Variants in THRAP3 observed in about 807,000 individuals in gnomAD.
The protein encoded by THRAP3 is thyroid hormone receptor-associated protein 3.
In THRAP3, 16 loss-of-function variants were observed where a neutral mutation model predicts 101.0. The ratio of observed to expected loss-of-function variants is 0.16; its 90% confidence interval spans 0.11 to 0.24. THRAP3 has a LOEUF of 0.24. Among genes scored for constraint, THRAP3 ranks in the 10% least tolerant of loss-of-function variants. The pLI is 1.00. For synonymous variants in THRAP3, 407 were observed against 422.6 expected (o/e 0.96, Z 0.45); for missense variants, 989 against 1,202.7 (o/e 0.82, Z 2.63).
chr1:36,288,848 A>C, intron 4 of THRAP3: 1 of 985,370 alleles, frequency 1.0e-6, no homozygotes, highest in Non-Finnish European at 1.2e-6. Context: ...CATGGATCAT[A>C]TATTTTTCTC....
chr1:36,215,851 G>C, the THRAP3 span, among the ~76,000 whole-genome samples: 1 of 151,818 alleles, frequency 6.6e-6, no homozygotes, highest in Non-Finnish European at 1.5e-5. Flanking sequence ...CCGGGTTCAA[G>C]TGATTCTCCT....
upstream of THRAP3, among the ~76,000 whole-genome samples, chr1:36,223,570 T>C (rs1354999696): frequency 6.6e-6 from 1 of 152,196 alleles, no homozygotes. Flanking sequence ...TCAGAGACAC[T>C]AGAGCAGAAA....
upstream of THRAP3, among the ~76,000 whole-genome samples, chr1:36,221,488 C>T (rs1467627743): frequency 6.6e-6 from 1 of 152,076 alleles, no homozygotes; most frequent in Non-Finnish European, 1.5e-5. Flanking sequence ...CCACATCCAC[C>T]CCAACCTTCA....
In THRAP3 at chr1:36,230,279, C is replaced by T. The variant is rs573699227; in HGVS notation, c.-135+5774C>T. Reference sequence around the variant, plus strand: ...GGTTACAGGCATGGGCCACCATGCCCGGCTAATTTTGTATTTTTAGTAGAG... The same window carrying T: ...GGTTACAGGCATGGGCCACCATGCCTGGCTAATTTTGTATTTTTAGTAGAG... On this transcript the variant is annotated intron_variant, in intron 1 of 11. Transcript: ENST00000354618. Among the ~76,000 whole-genome samples, 90 of 151,974 alleles carry T rather than the reference C, an allele frequency of 5.9e-4. No homozygotes were observed. In the Middle Eastern group the frequency reaches 0.014, roughly 23 times the overall value.
At chr1:36,290,695 A>G (rs1481120766) in intron 5 of THRAP3, among the ~76,000 whole-genome samples, 1 of 150,340 alleles carries the variant, frequency 6.7e-6, no homozygotes, top group East Asian at 2.0e-4. Flanking sequence ...TGAACCCCTG[A>G]CTTCAGGTGA....
At chr1:36,256,187 G>GGAT (rs1463441972) in intron 1 of THRAP3, among the ~76,000 whole-genome samples, 25 of 65,248 alleles carry the variant, frequency 3.8e-4, no homozygotes, top group East Asian at 3.5e-3. Flanking sequence ...TGGCCTGCCT[G>GGAT]GATTATTATT....
chr1:36,247,903 C>T (rs1645250748), intron 1 of THRAP3, among the ~76,000 whole-genome samples: 1 of 128,638 alleles, frequency 7.8e-6, no homozygotes, highest in African/African-American at 3.0e-5. Context: ...GAGATGGAGT[C>T]TTGCTCTGTC....
At chr1:36,259,811 G>A (rs1323274272) in intron 2 of THRAP3, among the ~76,000 whole-genome samples, 4 of 151,484 alleles carry the variant, frequency 2.6e-5, no homozygotes, top group Non-Finnish European at 5.9e-5. Context: ...CAGATGATTC[G>A]TTAATGGAAG....
At chr1:36,210,520 C>T in the THRAP3 span, among the ~76,000 whole-genome samples, 1 of 146,694 alleles carries the variant, frequency 6.8e-6, no homozygotes, top group Non-Finnish European at 1.5e-5. Context: ...GAAACCCTGT[C>T]TCTACTAAAA....
At chr1:36,251,204 A>G (rs1159832667) in intron 1 of THRAP3, among the ~76,000 whole-genome samples, 1 of 152,200 alleles carries the variant, frequency 6.6e-6, no homozygotes, top group Non-Finnish European at 1.5e-5. Context: ...TTTCAAGGAA[A>G]TAGAGGCTCA....
chr1:36,209,289 T>C, the THRAP3 span, among the ~76,000 whole-genome samples: 31 of 152,148 alleles, frequency 2.0e-4, no homozygotes, highest in African/African-American at 7.0e-4. Context: ...AACATAATCA[T>C]ATTTTAAAGC....
chr1:36,267,675 A>G (rs1049266494), intron 2 of THRAP3, among the ~76,000 whole-genome samples: 1 of 9,638 alleles, frequency 1.0e-4, no homozygotes, highest in African/African-American at 1.3e-4. Context: ...TTCTTTTGTT[A>G]TTTGTTAACT....
Position 36,275,200 on chromosome 1 carries a change from G to T in THRAP3, c.-31-7333G>T, listed in dbSNP as rs183810390. Among the ~76,000 whole-genome samples the T allele has an allele frequency of 4.4e-3, 660 of 150,528 alleles. 6 individuals are homozygous for T. The highest frequency in any genetic ancestry group is 0.015 in the African/African-American group (621 of 40,954). ...AGCTACTTGGGAGGCTGAGGCAGGA[G>T]AATGGCATGAATCTGCAAGGCGGAG... On this transcript the variant is annotated intron_variant, in intron 2 of 11. Transcript: ENST00000354618.
Position 36,282,718 on chromosome 1 carries a change from T to G in THRAP3, c.137+18T>G. The stretch of plus-strand genomic sequence containing the variant: ...AGGCTGAGGTAAGGGGGTGTGACTT[T>G]GTATATTGAGATAATCATTGCATCA... On this transcript the variant is annotated intron_variant, in intron 3 of 11. Transcript: ENST00000354618. 1 of 1,613,740 alleles carries G rather than the reference T, an allele frequency of 6.2e-7. No individual in the cohort carries two copies. The highest frequency in any genetic ancestry group is 2.2e-5 in the East Asian group (1 of 44,874).
chr1:36,237,976 C>G (rs908222473), intron 1 of THRAP3, among the ~76,000 whole-genome samples: 1 of 152,104 alleles, frequency 6.6e-6, no homozygotes, highest in Non-Finnish European at 1.5e-5. Context: ...TGTGTACCAC[C>G]ATGCCTGGTG....
the THRAP3 span, among the ~76,000 whole-genome samples, chr1:36,211,821 T>C: frequency 6.6e-6 from 1 of 152,178 alleles, no homozygotes; most frequent in Non-Finnish European, 1.5e-5. Context: ...ACTGCTCCTC[T>C]CTTCCATAGG....
chr1:36,299,819 A>G (rs1646009161), intron 9 of THRAP3, among the ~76,000 whole-genome samples: 1 of 152,148 alleles, frequency 6.6e-6, no homozygotes, highest in African/African-American at 2.4e-5. Context: ...AGAGACTCTT[A>G]TTTTTGAAAA....
At chr1:36,223,101 T>TG (rs1438393944), upstream of THRAP3, among the ~76,000 whole-genome samples, 1 of 152,100 alleles carries the variant, frequency 6.6e-6, no homozygotes, top group African/African-American at 2.4e-5. Flanking sequence ...CCCTCCAGCC[T>TG]GGGCGACATA....
intron 1 of THRAP3, among the ~76,000 whole-genome samples, chr1:36,233,855 G>A (rs554714319): frequency 6.6e-6 from 1 of 152,328 alleles, no homozygotes; most frequent in African/African-American, 2.4e-5. Flanking sequence ...TAGTAAGTAG[G>A]TTGTGATAAT....
Sources: gnomAD v4.1 joint callset for allele counts (sites outside exome capture counted in the v4.1 genomes callset) on GRCh38, gnomAD v4.1.1 for gene constraint, MANE v1.5 for transcripts, NCBI Gene and HGNC (gene_info 2026-07-23, HGNC 2026-07-21) for gene names.